The following PRKN variants were observed in gnomAD, a reference collection of about 807,000 sequenced individuals.
PRKN encodes parkin RBR E3 ubiquitin protein ligase, also known as E3 ubiquitin-protein ligase parkin.
A neutral mutation model predicts 59.5 loss-of-function variants in PRKN; 56 were observed. The observed-to-expected ratio is 0.94, with a 90% CI of 0.76 to 1.18. The LOEUF is 1.18. PRKN is among the 50% of genes most tolerant of loss of function. PRKN has a pLI of 0.00. For synonymous variants in PRKN, 250 were observed against 222.1 expected (o/e 1.13, Z -1.12); for missense variants, 657 against 596.4 (o/e 1.10, Z -1.06).
intron 2 of PRKN, among the ~76,000 whole-genome samples, chr6:162,440,274 T>G (rs1325112452): frequency 6.6e-6 from 1 of 152,158 alleles, no homozygotes; most frequent in Non-Finnish European, 1.5e-5. Flanking sequence ...CTATGAAAAT[T>G]TTTTAGATGT....
At chr6:162,076,323 A>T (rs1778826521) in intron 4 of PRKN, among the ~76,000 whole-genome samples, 1 of 152,130 alleles carries the variant, frequency 6.6e-6, no homozygotes, top group Non-Finnish European at 1.5e-5. Flanking sequence ...CCAAAAGAAG[A>T]GTCACTTTGT....
At chr6:161,435,319 T>C (rs1483213108) in intron 9 of PRKN, among the ~76,000 whole-genome samples, 1 of 152,182 alleles carries the variant, frequency 6.6e-6, no homozygotes, top group East Asian at 1.9e-4. Flanking sequence ...ATAGTTGTAC[T>C]CTATTTTTAT....
At chr6:161,743,530 C>A (rs1044342667) in intron 7 of PRKN, among the ~76,000 whole-genome samples, 2 of 151,694 alleles carry the variant, frequency 1.3e-5, no homozygotes, top group Non-Finnish European at 2.9e-5. Context: ...ATTACAGGCA[C>A]GAGCCACTGC....
At chr6:162,684,270 T>C (rs1349946217) in intron 1 of PRKN, among the ~76,000 whole-genome samples, 1 of 152,104 alleles carries the variant, frequency 6.6e-6, no homozygotes, top group Non-Finnish European at 1.5e-5. Context: ...CAGTGTTTTC[T>C]ACCCTTGAGA....
intron 7 of PRKN, among the ~76,000 whole-genome samples, chr6:161,636,252 G>A (rs900703505): frequency 6.6e-6 from 1 of 152,352 alleles, no homozygotes; most frequent in East Asian, 1.9e-4. Context: ...TCTATCCACA[G>A]CTCTGTGCAG....
chr6:162,184,976 G>C (rs1247768957), intron 4 of PRKN, among the ~76,000 whole-genome samples: 1 of 152,026 alleles, frequency 6.6e-6, no homozygotes, highest in African/African-American at 2.4e-5. Context: ...GGGTGGGGGG[G>C]TGCTCCTGAC....
At chr6:161,615,364 AT>A (rs1443331128) in intron 7 of PRKN, among the ~76,000 whole-genome samples, 1 of 152,124 alleles carries the variant, frequency 6.6e-6, no homozygotes, top group Non-Finnish European at 1.5e-5. Context: ...GATTGAAAAT[AT>A]TTTTTATTTC....
intron 2 of PRKN, among the ~76,000 whole-genome samples, chr6:162,320,374 A>AC (rs1782948736): frequency 6.8e-6 from 1 of 146,856 alleles, no homozygotes; most frequent in Non-Finnish European, 1.5e-5. Context: ...AAAAAAAAAA[A>AC]AAAAAAAAAA....
chr6:161,493,252 C>T (rs1470067215), intron 9 of PRKN, among the ~76,000 whole-genome samples: 2 of 152,120 alleles, frequency 1.3e-5, no homozygotes. Flanking sequence ...ATTGAATGTT[C>T]TCTTGTTTAA....
At position 161,352,521 on chromosome 6, in the gene PRKN, T is replaced by G. The variant is rs971563337; in HGVS notation, c.1286-2310A>C. On this transcript the variant is annotated intron_variant, in intron 11 of 11. Coordinates refer to ENST00000366898, the MANE Select transcript of PRKN (RefSeq NM_004562.3). This position sits in a 1 kb window ranked among gnomAD's most constrained non-coding sequence, Gnocchi z 5.8. ...GGTGTGACATTATAAAACCACTTGT[T>G]TCTCTAAAATATCATAAATATTTTA... 1.3e-5 allele frequency among the ~76,000 whole-genome samples: 2 copies of G among 151,786 alleles called. No homozygotes were observed. Among genetic ancestry groups the G allele is most frequent in the Non-Finnish European group, 2.9e-5 (2 of 67,948 alleles).
intron 2 of PRKN, among the ~76,000 whole-genome samples, chr6:162,266,974 T>G (rs1398739187): frequency 4.6e-5 from 7 of 152,052 alleles, no homozygotes; most frequent in Non-Finnish European, 7.4e-5. Flanking sequence ...TTCTGTGAAC[T>G]AAAAATCGAT....
At chr6:162,424,542 T>G (rs1789130058) in intron 2 of PRKN, among the ~76,000 whole-genome samples, 1 of 152,044 alleles carries the variant, frequency 6.6e-6, no homozygotes, top group Non-Finnish European at 1.5e-5. Flanking sequence ...AAGACCAGCC[T>G]GGCCAAGATG....
At chr6:162,554,526 A>G (rs1202787160) in intron 1 of PRKN, among the ~76,000 whole-genome samples, 1 of 152,056 alleles carries the variant, frequency 6.6e-6, no homozygotes, top group East Asian at 1.9e-4. Flanking sequence ...AAAAAAGAAA[A>G]GAAAACGGAC....
At chr6:161,797,853 C>T (rs1414850552) in intron 6 of PRKN, among the ~76,000 whole-genome samples, 4 of 152,008 alleles carry the variant, frequency 2.6e-5, no homozygotes, top group African/African-American at 9.7e-5. Flanking sequence ...GTATACCATC[C>T]CAAAGTATTT....
Position 161,377,643 on chromosome 6 carries a change from C to G in PRKN, c.1167+9151G>C, listed in dbSNP as rs920930506. ...AGATTCCTATGTCGAAACCTAATCA[C>G]CAAGGCGGTGGGATTAGGAGGTGAG... On this transcript the variant is annotated intron_variant, in intron 10 of 11. Coordinates refer to ENST00000366898, the MANE Select transcript of PRKN (RefSeq NM_004562.3). This position sits in a 1 kb window ranked among gnomAD's most constrained non-coding sequence, Gnocchi z 4.2. Among the ~76,000 whole-genome samples, 1 of 152,160 alleles carries G rather than the reference C, an allele frequency of 6.6e-6. No individual in the cohort carries two copies. The highest frequency in any genetic ancestry group is 1.5e-5 in the Non-Finnish European group (1 of 68,028).
chr6:162,572,932 G>C (rs1780405812), intron 1 of PRKN, among the ~76,000 whole-genome samples: 1 of 152,016 alleles, frequency 6.6e-6, no homozygotes. Context: ...TAATATCTGT[G>C]TGTCACCCCC....
chr6:162,710,116 T>C (rs1441503513), intron 1 of PRKN, among the ~76,000 whole-genome samples: 1 of 152,090 alleles, frequency 6.6e-6, no homozygotes, highest in Non-Finnish European at 1.5e-5. Flanking sequence ...GTCTCAATAA[T>C]AATGACCTTT....
At chr6:162,231,393 G>GAT (rs1225373133) in intron 3 of PRKN, among the ~76,000 whole-genome samples, 1 of 152,186 alleles carries the variant, frequency 6.6e-6, no homozygotes, top group East Asian at 1.9e-4. Context: ...TGCCTAAATA[G>GAT]ATAAGCATAC....
At chr6:161,894,145 C>A (rs1471221402) in intron 6 of PRKN, among the ~76,000 whole-genome samples, 2 of 152,290 alleles carry the variant, frequency 1.3e-5, no homozygotes, top group East Asian at 3.9e-4. Flanking sequence ...ACTCTCTCTT[C>A]ATTAGCTCCA....
Sources: gnomAD v4.1 joint callset for allele counts (sites outside exome capture counted in the v4.1 genomes callset) on GRCh38, gnomAD v4.1.1 for gene constraint, Gnocchi (gnomAD v3.1) non-coding constraint, MANE v1.5 for transcripts, NCBI Gene and HGNC (gene_info 2026-07-23, HGNC 2026-07-21) for gene names.